The following ADGRB3 variants were observed in gnomAD, a reference collection of about 807,000 sequenced individuals.
ADGRB3 encodes brain-specific angiogenesis inhibitor 3.
ADGRB3 carries 37 observed loss-of-function variants against 193.4 expected under a neutral mutation model. The ratio of observed to expected loss-of-function variants is 0.19; its 90% CI spans 0.15 to 0.25. The LOEUF is 0.25. ADGRB3 is among the 10% of genes least tolerant of loss of function. The pLI is 1.00. For missense variants in ADGRB3, 1,637 were observed against 1,852.9 expected (o/e 0.88, Z 2.14); for synonymous variants, 690 against 644.2 (o/e 1.07, Z -1.08).
intron 3 of ADGRB3, among the ~76,000 whole-genome samples, chr6:68,870,865 G>T (rs1765436061): frequency 6.6e-6 from 1 of 152,184 alleles, no homozygotes; most frequent in Non-Finnish European, 1.5e-5. Context: ...CAGTCTGATT[G>T]CTATGTTATT....
intron 11 of ADGRB3, among the ~76,000 whole-genome samples, chr6:68,998,466 A>C (rs1334299428): frequency 2.0e-5 from 3 of 152,230 alleles, no homozygotes; most frequent in Admixed American, 1.3e-4. Context: ...GCATGGCTGA[A>C]TCCCAAAAGT....
chr6:68,850,868 T>A (rs1768384406), intron 3 of ADGRB3, among the ~76,000 whole-genome samples: 1 of 152,062 alleles, frequency 6.6e-6, no homozygotes, highest in Non-Finnish European at 1.5e-5. Flanking sequence ...TTATATATTG[T>A]TACATAATGG....
intron 3 of ADGRB3, among the ~76,000 whole-genome samples, chr6:68,691,072 T>A (rs1582126492): frequency 6.6e-6 from 1 of 152,112 alleles, no homozygotes; most frequent in African/African-American, 2.4e-5. Flanking sequence ...ACTGATTTTG[T>A]TTCATTTTTT....
intron 17 of ADGRB3, among the ~76,000 whole-genome samples, chr6:69,192,957 T>C (rs1765223877): frequency 1.3e-5 from 2 of 152,174 alleles, no homozygotes; most frequent in Admixed American, 6.5e-5. Flanking sequence ...GGCCAAGTTA[T>C]TATTTTCCTA....
At chr6:68,886,282 A>G (rs544532937) in intron 3 of ADGRB3, among the ~76,000 whole-genome samples, 55 of 152,236 alleles carry the variant, frequency 3.6e-4, no homozygotes, top group African/African-American at 1.3e-3. Flanking sequence ...TACCTAAAGT[A>G]CAGTACTCAT....
chr6:69,004,479 A>G (rs1769682613), intron 11 of ADGRB3, among the ~76,000 whole-genome samples: 3 of 151,070 alleles, frequency 2.0e-5, no homozygotes. Context: ...TTTGTTACGT[A>G]TGTATACATG....
At chr6:69,177,941 A>T (rs1775472352) in intron 17 of ADGRB3, among the ~76,000 whole-genome samples, 1 of 152,174 alleles carries the variant, frequency 6.6e-6, no homozygotes, top group South Asian at 2.1e-4. Context: ...TTCCATAGAT[A>T]TCTATTAGCT....
chr6:68,821,904 T>A (rs1406902195), intron 3 of ADGRB3, among the ~76,000 whole-genome samples: 1 of 152,020 alleles, frequency 6.6e-6, no homozygotes, highest in East Asian at 1.9e-4. Flanking sequence ...TTTGACACTG[T>A]TATTCAGAAG....
chr6:68,667,303 T>G (rs1768825860), intron 3 of ADGRB3, among the ~76,000 whole-genome samples: 1 of 151,878 alleles, frequency 6.6e-6, no homozygotes, highest in Non-Finnish European at 1.5e-5. Context: ...AGAAATTTAA[T>G]GTTATAGATT....
At chr6:68,642,968 A>G (rs768164777) in intron 3 of ADGRB3, among the ~76,000 whole-genome samples, 1 of 152,212 alleles carries the variant, frequency 6.6e-6, no homozygotes, top group Non-Finnish European at 1.5e-5. Context: ...TATAGCTGAG[A>G]TATAAAATGT....
chr6:69,180,226 T>C (rs1400687093), intron 17 of ADGRB3, among the ~76,000 whole-genome samples: 1 of 152,192 alleles, frequency 6.6e-6, no homozygotes. Flanking sequence ...CAGTCCCTTC[T>C]ACATTAGGAT....
intron 8 of ADGRB3, 63 bp from the exon 9 acceptor site, chr6:68,974,700 T>C (rs1768690480): frequency 3.6e-6 from 5 of 1,389,906 alleles, no homozygotes; most frequent in Admixed American, 1.8e-5. Context: ...CCTTTGACAA[T>C]TGTTTATTGC....
At chr6:68,650,880 C>T (rs1411032236) in intron 3 of ADGRB3, among the ~76,000 whole-genome samples, 2 of 152,072 alleles carry the variant, frequency 1.3e-5, no homozygotes, top group African/African-American at 4.8e-5. Context: ...TTCTTCTAGA[C>T]TTCTATTGAA....
intron 13 of ADGRB3, among the ~76,000 whole-genome samples, chr6:69,028,052 A>G (rs1042640404): frequency 6.6e-6 from 1 of 152,208 alleles, no homozygotes; most frequent in Non-Finnish European, 1.5e-5. Flanking sequence ...ACTATTCTCA[A>G]GGAGACTGAG....
chr6:69,080,350 A>G (rs913288600), intron 17 of ADGRB3, among the ~76,000 whole-genome samples: 4 of 152,020 alleles, frequency 2.6e-5, no homozygotes, highest in Non-Finnish European at 4.4e-5. Context: ...CTATTATTGG[A>G]TAGCCAACCT....
At chr6:68,981,795 A>C (rs1290150733) in intron 10 of ADGRB3, among the ~76,000 whole-genome samples, 1 of 151,514 alleles carries the variant, frequency 6.6e-6, no homozygotes, top group Non-Finnish European at 1.5e-5. Context: ...TTCTGTTTTT[A>C]AGATCACAAC....
At chr6:68,763,611 A>G (rs1276780732) in intron 3 of ADGRB3, among the ~76,000 whole-genome samples, 1 of 152,224 alleles carries the variant, frequency 6.6e-6, no homozygotes, top group Non-Finnish European at 1.5e-5. Flanking sequence ...ACTAGATGTT[A>G]TCAGAAGTGA....
At chr6:68,832,498 G>T (rs779437697) in intron 3 of ADGRB3, among the ~76,000 whole-genome samples, 2 of 152,114 alleles carry the variant, frequency 1.3e-5, no homozygotes, top group East Asian at 1.9e-4. Flanking sequence ...TAAAATTAAA[G>T]ATATAGTGAA....
At chr6:69,260,711 C>T (rs1766905024) in intron 20 of ADGRB3, among the ~76,000 whole-genome samples, 1 of 152,128 alleles carries the variant, frequency 6.6e-6, no homozygotes, top group South Asian at 2.1e-4. Flanking sequence ...CTCTACGATT[C>T]CAGGATTCTT....
Sources: gnomAD v4.1 joint callset for allele counts (sites outside exome capture counted in the v4.1 genomes callset) on GRCh38, gnomAD v4.1.1 for gene constraint, MANE v1.5 for transcripts, NCBI Gene and HGNC (gene_info 2026-07-23, HGNC 2026-07-21) for gene names.